CDKAL1: variants seen among roughly 807,000 people sequenced by gnomAD.
CDKAL1 encodes threonylcarbamoyladenosine tRNA methylthiotransferase.
In CDKAL1, 32 loss-of-function variants were observed where a neutral mutation model predicts 68.2. The ratio of observed to expected loss-of-function variants is 0.47; its 90% CI spans 0.35 to 0.63. The LOEUF (loss-of-function observed/expected upper bound fraction) is 0.63. Ranked by LOEUF, CDKAL1 falls within the 30% of genes least tolerant of loss-of-function variation. CDKAL1 has a pLI of 0.00. For missense variants in CDKAL1, 606 were observed against 696.7 expected (o/e 0.87, Z 1.47); for synonymous variants, 234 against 244.3 (o/e 0.96, Z 0.39).
chr6:20,729,070 T>TA, intron 5 of CDKAL1, among the ~76,000 whole-genome samples: 1 of 152,326 alleles, frequency 6.6e-6, no homozygotes, highest in South Asian at 2.1e-4. Context: ...ACATGATCAC[T>TA]TATCAGGGAT....
chr6:20,997,716 C>T (rs768585871), intron 10 of CDKAL1, among the ~76,000 whole-genome samples: 1 of 152,100 alleles, frequency 6.6e-6, no homozygotes, highest in Non-Finnish European at 1.5e-5. Flanking sequence ...GGCCCGGGGT[C>T]ATGTTTGCTG....
At chr6:20,832,188 A>T (rs922553636) in intron 8 of CDKAL1, among the ~76,000 whole-genome samples, 1 of 152,220 alleles carries the variant, frequency 6.6e-6, no homozygotes, top group African/African-American at 2.4e-5. Context: ...AGCAAGTAAT[A>T]AGTCATTAGC....
chr6:21,125,679 C>CA (rs1347997734), intron 13 of CDKAL1, among the ~76,000 whole-genome samples: 1 of 152,074 alleles, frequency 6.6e-6, no homozygotes, highest in African/African-American at 2.4e-5. Context: ...AACTCCATCT[C>CA]AAAAAAACAA....
chr6:20,661,596 T>TG (rs1554170482), intron 5 of CDKAL1, among the ~76,000 whole-genome samples: 5 of 145,560 alleles, frequency 3.4e-5, no homozygotes, highest in South Asian at 2.1e-4. Flanking sequence ...CTGGTTTACA[T>TG]AAAAAAAAAC....
chr6:20,715,770 T>C (rs146119277), intron 5 of CDKAL1, among the ~76,000 whole-genome samples: 26 of 152,344 alleles, frequency 1.7e-4, no homozygotes, highest in African/African-American at 6.0e-4. Context: ...TGAAAATATA[T>C]TTAAAATATT....
rs1338146049 is a variant in CDKAL1 at position 20,539,671 on chromosome 6, A to T, written c.-6+4277A>T. 6.6e-6 allele frequency among the ~76,000 whole-genome samples: 1 copy of T among 152,090 alleles called. No homozygotes were observed. The highest frequency in any genetic ancestry group is 2.4e-5 in the African/African-American group (1 of 41,404). On this transcript the variant is annotated intron_variant, in intron 2 of 15. Coordinates refer to ENST00000274695, the MANE Select transcript of CDKAL1 (RefSeq NM_017774.3). The surrounding 1 kb of genome is among the most constrained non-coding windows in gnomAD (Gnocchi z 4.3). ...TAACAAAGCCTGCATGACTGAGGGG[A>T]GCGTGGTAGGAAGTGGGGCCAGAGA...
intron 9 of CDKAL1, among the ~76,000 whole-genome samples, chr6:20,858,001 A>G (rs926789194): frequency 2.0e-5 from 3 of 152,196 alleles, no homozygotes; most frequent in Non-Finnish European, 2.9e-5. Context: ...CTGGGATTAC[A>G]GGCGCATGCC....
At chr6:20,779,171 A>G (rs1775307438) in intron 7 of CDKAL1, among the ~76,000 whole-genome samples, 1 of 152,238 alleles carries the variant, frequency 6.6e-6, no homozygotes, top group African/African-American at 2.4e-5. Flanking sequence ...AAGAAACTCA[A>G]AACCTCATAC....
chr6:21,093,712 T>TGC (rs1773169250), intron 12 of CDKAL1, among the ~76,000 whole-genome samples: 2 of 52,232 alleles, frequency 3.8e-5, no homozygotes, highest in Non-Finnish European at 8.4e-5. Context: ...TTTTTTTTTT[T>TGC]TTTTTTTTTT....
intron 8 of CDKAL1, among the ~76,000 whole-genome samples, chr6:20,823,509 A>G (rs911137654): frequency 6.6e-6 from 1 of 152,204 alleles, no homozygotes; most frequent in African/African-American, 2.4e-5. Flanking sequence ...CCTGTTTTGA[A>G]AAAAAGAGTG....
At chr6:21,180,615 A>G (rs1186140950) in intron 13 of CDKAL1, among the ~76,000 whole-genome samples, 1 of 152,184 alleles carries the variant, frequency 6.6e-6, no homozygotes, top group Non-Finnish European at 1.5e-5. Context: ...TGAATTTAAA[A>G]ACTTTTTTCC....
At chr6:20,677,767 T>A (rs540705097) in intron 5 of CDKAL1, among the ~76,000 whole-genome samples, 1 of 152,346 alleles carries the variant, frequency 6.6e-6, no homozygotes, top group South Asian at 2.1e-4. Context: ...CTGCTAAGTT[T>A]TAGTAATATG....
At chr6:20,878,908 C>T (rs111767739) in intron 9 of CDKAL1, among the ~76,000 whole-genome samples, 1,615 of 151,352 alleles carry the variant, frequency 0.011, 26 homozygotes, top group African/African-American at 0.037. Flanking sequence ...GTGAAACCCT[C>T]TCTATACTAA....
intron 6 of CDKAL1, among the ~76,000 whole-genome samples, chr6:20,743,183 T>C (rs1020046697): frequency 9.9e-5 from 15 of 152,172 alleles, no homozygotes; most frequent in Admixed American, 1.3e-4. Context: ...TATTGCACGA[T>C]TGAGTAAAGA....
chr6:21,012,555 A>C (rs1423233985), intron 11 of CDKAL1, among the ~76,000 whole-genome samples: 1 of 152,210 alleles, frequency 6.6e-6, no homozygotes, highest in Non-Finnish European at 1.5e-5. Flanking sequence ...GAAATAAGAG[A>C]ATATTTAAAG....
intron 4 of CDKAL1, among the ~76,000 whole-genome samples, chr6:20,557,785 A>G (rs7739402): frequency 0.61 from 91,908 of 151,860 alleles, 30,409 homozygotes; most frequent in African/African-American, 0.89. Context: ...AAATTAGCCC[A>G]GCGTGGTGGT....
intron 8 of CDKAL1, among the ~76,000 whole-genome samples, chr6:20,828,762 A>C (rs905124961): frequency 6.6e-6 from 1 of 152,166 alleles, no homozygotes. Context: ...CATTAAGTAC[A>C]TTCGTGTTGT....
intron 9 of CDKAL1, among the ~76,000 whole-genome samples, chr6:20,918,015 G>T (rs767168028): frequency 2.6e-5 from 4 of 152,208 alleles, no homozygotes; most frequent in Non-Finnish European, 5.9e-5. Context: ...GGTGGTTGAG[G>T]CATAAGAATT....
chr6:20,604,621 C>T (rs954874602), intron 4 of CDKAL1, among the ~76,000 whole-genome samples: 2 of 152,176 alleles, frequency 1.3e-5, no homozygotes, highest in African/African-American at 2.4e-5. Flanking sequence ...GCTATGGGCT[C>T]GTGCTCTTGG....
Sources: gnomAD v4.1 joint callset for allele counts (sites outside exome capture counted in the v4.1 genomes callset) on GRCh38, gnomAD v4.1.1 for gene constraint, Gnocchi (gnomAD v3.1) non-coding constraint, MANE v1.5 for transcripts, NCBI Gene and HGNC (gene_info 2026-07-23, HGNC 2026-07-21) for gene names.